Variants in GALNT3 observed in about 807,000 individuals in gnomAD.
The protein encoded by GALNT3 is polypeptide N-acetylgalactosaminyltransferase 3.
A neutral mutation model predicts 69.8 loss-of-function variants in GALNT3; 51 were observed. The ratio of observed to expected loss-of-function variants is 0.73; its 90% CI spans 0.58 to 0.92. The LOEUF (loss-of-function observed/expected upper bound fraction) is 0.92. Among genes scored for constraint, GALNT3 ranks in the 40% least tolerant of loss-of-function variants. The pLI, the probability that GALNT3 is intolerant of heterozygous loss-of-function variation, is 0.00. For synonymous variants in GALNT3, 265 were observed against 248.5 expected, an observed-to-expected ratio of 1.07 and a Z score of -0.63; for missense variants, 711 against 760.0, an observed-to-expected ratio of 0.94 and a Z score of 0.76.
At chr2:165,781,334 G>T (rs1683105344) in intron 1 of GALNT3, among the ~76,000 whole-genome samples, 1 of 152,130 alleles carries the variant, frequency 6.6e-6, no homozygotes, top group Non-Finnish European at 1.5e-5. Flanking sequence ...GGGTGCAGTG[G>T]CTCATGCCTG....
chr2:165,759,791 T>C lies in GALNT3; in HGVS notation c.839-221A>G, dbSNP rs183394577. On this transcript the variant is annotated intron_variant, in intron 4 of 10. Transcript: ENST00000392701. ...ATCATAGTGTTTATATATGTATACATTGTAAAATGATTATTGCAATCAAGC... is the reference window on the plus strand; with the variant it reads ...ATCATAGTGTTTATATATGTATACACTGTAAAATGATTATTGCAATCAAGC... Among the ~76,000 whole-genome samples the C allele has an allele frequency of 5.5e-3, 838 of 152,280 alleles. 5 individuals are homozygous for C. The highest frequency in any genetic ancestry group is 0.019 in the African/African-American group (787 of 41,548).
chr2:165,749,984 A>C, intron 9 of GALNT3, 90 bp from the exon 10 acceptor site: 2 of 1,157,932 alleles, frequency 1.7e-6, no homozygotes, highest in Admixed American at 3.4e-5. Flanking sequence ...GTTAAATAAT[A>C]AAGTCATTTC....
chr2:165,748,775 G>T lies in GALNT3; in HGVS notation c.*6C>A. 6.2e-7 allele frequency: 1 copy of T among 1,606,890 alleles called. No individual in the cohort carries two copies. ...TTTCCTTTTTCAACTTAATTTTAAGGAACACTTAATCATTTTGGCTAAGTA... is the reference window on the plus strand; with the variant it reads ...TTTCCTTTTTCAACTTAATTTTAAGTAACACTTAATCATTTTGGCTAAGTA... On this transcript the variant is annotated 3_prime_UTR_variant, in exon 11 of 11. Coordinates refer to ENST00000392701, the MANE Select transcript of GALNT3 (RefSeq NM_004482.4).
At chr2:165,779,768 A>G (rs1683063876) in intron 1 of GALNT3, among the ~76,000 whole-genome samples, 1 of 152,250 alleles carries the variant, frequency 6.6e-6, no homozygotes, top group Admixed American at 6.5e-5. Context: ...TTTTTAAAGA[A>G]AAAATACGCA....
At chr2:165,757,010 G>T in intron 7 of GALNT3, 37 bp downstream of exon 7, 1 of 1,505,644 alleles carries the variant, frequency 6.6e-7, no homozygotes. Context: ...ACTTGTTATA[G>T]ATTTTATTGC....
chr2:165,763,020 G>A (rs932173581), intron 3 of GALNT3, among the ~76,000 whole-genome samples: 4 of 150,940 alleles, frequency 2.7e-5, no homozygotes, highest in African/African-American at 9.7e-5. Flanking sequence ...AGGCTGGTCT[G>A]GAACTCCTGA....
chr2:165,779,480 T>C (rs1293038271), intron 1 of GALNT3, among the ~76,000 whole-genome samples: 1 of 152,180 alleles, frequency 6.6e-6, no homozygotes. Flanking sequence ...TGTCCTTCTT[T>C]ATAAGTGAAG....
Position 165,780,073 on chromosome 2 carries a change from T to C in GALNT3, c.-108-9265A>G, listed in dbSNP as rs571753088. Among the ~76,000 whole-genome samples, 4 of 152,264 alleles carry C rather than the reference T, an allele frequency of 2.6e-5. No homozygotes were observed. In the South Asian group the frequency reaches 8.3e-4, roughly 32 times the overall value. On this transcript the variant is annotated intron_variant, in intron 1 of 10. Transcript: ENST00000392701. ...ATGCTGGATTCTGCAGATTAGGAACTCAGCAGCAGCGCTATCCCAGTCAAC... is the reference window on the plus strand; with the variant it reads ...ATGCTGGATTCTGCAGATTAGGAACCCAGCAGCAGCGCTATCCCAGTCAAC...
At chr2:165,751,136 T>A (rs945177576) in intron 9 of GALNT3, among the ~76,000 whole-genome samples, 1 of 152,186 alleles carries the variant, frequency 6.6e-6, no homozygotes, top group African/African-American at 2.4e-5. Context: ...CAATATTTCA[T>A]AATATTGACA....
At chr2:165,749,026 G>T in intron 10 of GALNT3, 123 bp from the exon 11 acceptor site, 2 of 1,028,346 alleles carry the variant, frequency 1.9e-6, no homozygotes, top group Non-Finnish European at 1.4e-6. Flanking sequence ...GGTGAGCCAT[G>T]TCTGATAAAC....
chr2:165,785,427 T>C (rs1252179346), intron 1 of GALNT3, among the ~76,000 whole-genome samples: 2 of 152,158 alleles, frequency 1.3e-5, no homozygotes, highest in South Asian at 4.1e-4. Flanking sequence ...AAAACTGGTG[T>C]CAGAGGGCAA....
Position 165,748,630 on chromosome 2 carries a change from T to C in GALNT3, c.*151A>G. 1.5e-6 allele frequency: 1 copy of C among 672,130 alleles called. No individual in the cohort carries two copies. Among genetic ancestry groups the C allele is most frequent in the East Asian group, 2.7e-5 (1 of 36,548 alleles). The allele number at this position is 672,130 out of a possible 1,614,324, so 41.6% of individuals were successfully genotyped here. A position where few individuals can be genotyped will look rare whatever the true frequency, so the allele number is the denominator to read the frequency against. On this transcript the variant is annotated 3_prime_UTR_variant, in exon 11 of 11. Coordinates refer to ENST00000392701, the MANE Select transcript of GALNT3 (RefSeq NM_004482.4). ...ACAGAAACTTGCAGAATTTCTGTAG[T>C]AGTGCTACATAAAGATATAAATAAG...
At chr2:165,783,357 G>A (rs1005809202) in intron 1 of GALNT3, among the ~76,000 whole-genome samples, 1 of 151,678 alleles carries the variant, frequency 6.6e-6, no homozygotes, top group African/African-American at 2.4e-5. Context: ...CACACAAGCA[G>A]TAGGCAATTT....
At chr2:165,792,668 A>C (rs1683377369) in intron 1 of GALNT3, among the ~76,000 whole-genome samples, 1 of 152,220 alleles carries the variant, frequency 6.6e-6, no homozygotes, top group Non-Finnish European at 1.5e-5. Context: ...AATTGTTATT[A>C]TTATCAGAAA....
intron 2 of GALNT3, among the ~76,000 whole-genome samples, chr2:165,768,882 G>A (rs1301013234): frequency 6.8e-6 from 1 of 147,314 alleles, no homozygotes; most frequent in Non-Finnish European, 1.5e-5. Context: ...TTCAACCTCT[G>A]CCCCCAGGTT....
chr2:165,763,738 T>C (rs1160471606), intron 3 of GALNT3, among the ~76,000 whole-genome samples: 4 of 152,182 alleles, frequency 2.6e-5, no homozygotes, highest in East Asian at 1.9e-4. Flanking sequence ...CCACAACATA[T>C]GAACTTCCCG....
At chr2:165,780,013 C>A (rs574306570) in intron 1 of GALNT3, among the ~76,000 whole-genome samples, 12 of 152,146 alleles carry the variant, frequency 7.9e-5, no homozygotes, top group Non-Finnish European at 1.5e-4. Context: ...AATGAACCTG[C>A]CACCCAGAGG....
intron 1 of GALNT3, among the ~76,000 whole-genome samples, chr2:165,791,817 T>G (rs572295266): frequency 1.2e-3 from 183 of 152,298 alleles, no homozygotes; most frequent in Non-Finnish European, 2.1e-3. Context: ...TCAATATGCA[T>G]GCTATTCCAC....
At chr2:165,791,484 A>G (rs889013884) in intron 1 of GALNT3, among the ~76,000 whole-genome samples, 2 of 152,186 alleles carry the variant, frequency 1.3e-5, no homozygotes, top group Non-Finnish European at 2.9e-5. Flanking sequence ...ACTGTTTTAT[A>G]TTAATAAAAC....
Sources: allele counts gnomAD v4.1 joint callset (sites outside exome capture counted in the v4.1 genomes callset), GRCh38; gene constraint gnomAD v4.1.1; transcripts MANE v1.5; gene names NCBI Gene and HGNC (gene_info 2026-07-23, HGNC 2026-07-21).